Variants in SLC2A8 observed in about 807,000 individuals in gnomAD.
SLC2A8 encodes solute carrier family 2 member 8.
A neutral mutation model predicts 49.2 loss-of-function variants in SLC2A8; 53 were observed. The ratio of observed to expected loss-of-function variants is 1.08; its 90% confidence interval spans 0.86 to 1.35. SLC2A8 has a LOEUF of 1.35. SLC2A8 is among the 40% of genes most tolerant of loss of function. The pLI, the probability that SLC2A8 is intolerant of heterozygous loss-of-function variation, is 0.00. For synonymous variants in SLC2A8, 299 were observed against 297.0 expected (o/e 1.01, Z -0.07); for missense variants, 688 against 671.7 (o/e 1.02, Z -0.27).
Position 127,402,736 on chromosome 9 carries a change from C to CT in SLC2A8, c.706_707insT (p.Pro236LeufsTer5). 1 of 1,547,976 alleles carries CT rather than the reference C, an allele frequency of 6.5e-7. No individual in the cohort carries two copies. Among genetic ancestry groups the CT allele is most frequent in the African/African-American group, 1.4e-5 (1 of 73,418 alleles). On this transcript the variant is annotated frameshift_variant, in exon 5 of 10. Transcript: ENST00000373371. LOFTEE classifies it high-confidence loss of function. ...CTCCGAGCAGGGCTGGGAAGACCCC[C>CT]CCATCGGGGCTGAGCAGGTGAGAGG...
chr9:127,397,873 G>C, intron 2 of SLC2A8, 32 bp from the exon 3 acceptor site: 1 of 1,447,046 alleles, frequency 6.9e-7, no homozygotes, highest in Non-Finnish European at 9.1e-7. Flanking sequence ...TGCGGCTTCG[G>C]CGCCCCCTCC....
chr9:127,407,017 G>A, intron 9 of SLC2A8, 95 bp from the exon 10 acceptor site: 1 of 1,438,978 alleles, frequency 6.9e-7, no homozygotes, highest in Non-Finnish European at 9.6e-7. Flanking sequence ...TGGGGTCAGG[G>A]GACTGGACCC....
Position 127,397,917 on chromosome 9 carries a change from C to G in SLC2A8, c.232C>G (p.Leu78Val). 1 of 1,528,288 alleles carries G rather than the reference C, an allele frequency of 6.5e-7. No individual in the cohort carries two copies. Among genetic ancestry groups the G allele is most frequent in the South Asian group, 1.2e-5 (1 of 83,224 alleles). 94.7% of individuals were successfully genotyped at this position (1,528,288 alleles called of 1,614,324 possible). A position where few individuals can be genotyped will look rare whatever the true frequency, so the allele number is the denominator to read the frequency against. ...CGCCCGCCTCCAGGCTGTCGTGACC[C>G]TGGGTGCCGCGGCGGGGGGAGTGCT... ...AASWFGAVVTLGAAAGGVLGG... is the reference protein window; with the variant it reads ...AASWFGAVVTVGAAAGGVLGG... Residue 78 changes from leucine to valine, a missense_variant, in exon 3 of 10, where the codon CTG (leucine) becomes GTG (valine). Transcript: ENST00000373371.
rs1589003885 is a variant in SLC2A8 at position 127,399,727 on chromosome 9, G to A, written c.427-180G>A. Among the ~76,000 whole-genome samples the A allele has an allele frequency of 6.6e-6, 1 of 152,050 alleles. No homozygotes were observed. The highest frequency in any genetic ancestry group is 2.4e-5 in the African/African-American group (1 of 41,372). On this transcript the variant is annotated intron_variant, in intron 3 of 9. Transcript: ENST00000373371. This position sits in a 1 kb window ranked among gnomAD's most constrained non-coding sequence, Gnocchi z 4.2. ...CTCCTGAGTAGCTGGGATTACAGAT[G>A]TGTGCCACTAGGCCCAGCTAATTTT...
chr9:127,398,196 G>A (rs940089990), intron 3 of SLC2A8, 85 bp downstream of exon 3: 1 of 1,420,484 alleles, frequency 7.0e-7, no homozygotes, highest in African/African-American at 1.4e-5. Context: ...GCCTGGGGGC[G>A]CGGCTCCCCC....
intron 5 of SLC2A8, 131 bp from the exon 6 acceptor site, chr9:127,403,527 CAG>C (rs1231118412): frequency 1.5e-5 from 15 of 1,030,906 alleles, no homozygotes; most frequent in South Asian, 2.8e-5. Context: ...CCTGAGGACA[CAG>C]GGGGTGCTGG....
At position 127,397,486 on chromosome 9, in the gene SLC2A8, G is replaced by A. The variant is rs1185156592; in HGVS notation, c.167G>A (p.Arg56His). 28 of 1,465,030 alleles carry A rather than the reference G, an allele frequency of 1.9e-5. No individual in the cohort carries two copies. The highest frequency in any genetic ancestry group is 2.5e-5 in the Non-Finnish European group (28 of 1,117,686). The allele number at this position is 1,465,030 out of a possible 1,614,324, so 90.8% of individuals were successfully genotyped here. ...TCCCCGGCCATCCCTAGCCTGCAGC[G>A]CGCCGCGCCCCCGGCCCCGCGCCTG... ...YSSPAIPSLQ[R>H]AAPPAPRLDD... The change falls in exon 2 of 10, where the codon CGC becomes CAC. Residue 56 changes from arginine (R) to histidine (H), a missense_variant. Transcript: ENST00000373371.
intron 7 of SLC2A8, 44 bp from the exon 8 acceptor site, chr9:127,404,774 C>A: frequency 6.3e-7 from 1 of 1,586,484 alleles, no homozygotes; most frequent in South Asian, 1.1e-5. Flanking sequence ...GCGCCCTGGG[C>A]CGTTCCCCGG....
intron 9 of SLC2A8, among the ~76,000 whole-genome samples, chr9:127,406,219 G>A (rs1054816318): frequency 1.3e-5 from 2 of 152,248 alleles, no homozygotes; most frequent in African/African-American, 4.8e-5. Flanking sequence ...GAACAAGATG[G>A]ACAGGGTCCC....
At chr9:127,407,038 G>C in intron 9 of SLC2A8, 74 bp from the exon 10 acceptor site, 4 of 1,564,648 alleles carry the variant, frequency 2.6e-6, no homozygotes, top group Non-Finnish European at 3.5e-6. Flanking sequence ...CCTGGTGGCA[G>C]AGCTGTCTCA....
In SLC2A8 at chr9:127,401,980, T is replaced by TA. The variant is rs534202813; in HGVS notation, c.527-576dup. Among the ~76,000 whole-genome samples, 210 of 152,380 alleles carry TA rather than the reference T, an allele frequency of 1.4e-3. 5 individuals are homozygous for TA. In the South Asian group the frequency reaches 0.033, roughly 24 times the overall value. On this transcript the variant is annotated intron_variant, in intron 4 of 9. Coordinates refer to ENST00000373371, the MANE Select transcript of SLC2A8 (RefSeq NM_014580.5). ...ATATAAAACTAGGTAATTCTGCACT[T>TA]ATGCTGTTCTTCATACGTCAAGACA... is the stretch of plus-strand genomic sequence containing the variant.
chr9:127,403,440 C>T (rs1833368368), intron 5 of SLC2A8: 8 of 593,334 alleles, frequency 1.3e-5, no homozygotes, highest in Non-Finnish European at 2.4e-5. Flanking sequence ...TGGCTCCCCC[C>T]CACCTATCAG....
intron 3 of SLC2A8, chr9:127,398,443 C>G (rs1457419887): frequency 1.6e-6 from 1 of 641,460 alleles, no homozygotes; most frequent in Non-Finnish European, 3.0e-6. Context: ...TGCAAACCTG[C>G]GGATGATCCA....
intron 4 of SLC2A8, 144 bp from the exon 5 acceptor site, chr9:127,402,413 T>C: frequency 7.7e-7 from 1 of 1,295,140 alleles, no homozygotes; most frequent in Non-Finnish European, 1.0e-6. Flanking sequence ...ACAGTTGTGA[T>C]AATGGCAATG....
rs572803385 is a variant in SLC2A8 at position 127,397,910 on chromosome 9, C to G, written c.225C>G (p.Val75=). 1.1e-5 allele frequency: 17 copies of G among 1,524,518 alleles called. No homozygotes were observed. In the Admixed American group the frequency reaches 2.2e-4, roughly 20 times the overall value. 94.4% of individuals were successfully genotyped at this position (1,524,518 alleles called of 1,614,324 possible). A position where few individuals can be genotyped will look rare whatever the true frequency, so the allele number is the denominator to read the frequency against. ...CAGCAGCCGCCCGCCTCCAGGCTGT[C>G]GTGACCCTGGGTGCCGCGGCGGGGG... The part of the protein sequence containing the change: ...DDAAASWFGA[V]VTLGAAAGGV... Residue 75 remains valine, a synonymous_variant, in exon 3 of 10, where the codon GTC becomes GTG. Coordinates refer to ENST00000373371, the MANE Select transcript of SLC2A8 (RefSeq NM_014580.5).
intron 5 of SLC2A8, chr9:127,403,439 C>A (rs914349622): frequency 3.5e-5 from 21 of 592,832 alleles, no homozygotes; most frequent in East Asian, 8.4e-5. Flanking sequence ...GTGGCTCCCC[C>A]CCACCTATCA....
rs756363268 is a variant in SLC2A8, at chr9:127,407,209, A to G, written c.1394A>G (p.Lys465Arg). Residue 465 changes from lysine to arginine, a missense_variant, in exon 10 of 10, where the codon AAG (lysine) becomes AGG (arginine). By Grantham distance (26) the Lys-to-Arg change is conservative. Coordinates refer to ENST00000373371, the MANE Select transcript of SLC2A8 (RefSeq NM_014580.5). ...TLFCVPETKGKTLEQITAHFE... is the reference protein window; with the variant it reads ...TLFCVPETKGRTLEQITAHFE... ...TTCTGTGTCCCTGAAACTAAAGGAA[A>G]GACTCTGGAACAAATCACAGCCCAT... 3 of 1,613,498 alleles carry G rather than the reference A, an allele frequency of 1.9e-6. No individual in the cohort carries two copies. The highest frequency in any genetic ancestry group is 2.5e-6 in the Non-Finnish European group (3 of 1,180,016).
intron 4 of SLC2A8, chr9:127,402,325 CCTAGTAATGTCCGCGTTGTCATA>C: frequency 1.9e-6 from 1 of 538,270 alleles, no homozygotes; most frequent in Non-Finnish European, 3.1e-6. Context: ...ACGGATGCAG[CCTAGTAATGTCCGCGTTGTCATA>C]CCCACTGTCG....
At chr9:127,406,552 G>A (rs990973317) in intron 9 of SLC2A8, among the ~76,000 whole-genome samples, 1 of 151,902 alleles carries the variant, frequency 6.6e-6, no homozygotes, top group African/African-American at 2.4e-5. Context: ...CTTCGAGGAG[G>A]GAGAGATCGC....
Sources: allele counts gnomAD v4.1 joint callset (sites outside exome capture counted in the v4.1 genomes callset), GRCh38; gene constraint gnomAD v4.1.1; non-coding constraint Gnocchi (gnomAD v3.1); transcripts MANE v1.5; gene names NCBI Gene and HGNC (gene_info 2026-07-23, HGNC 2026-07-21).